SUPT20H: variants seen among roughly 807,000 people sequenced by gnomAD.
SUPT20H encodes the protein SPT20 homolog, SAGA complex component.
SUPT20H carries 82 observed loss-of-function variants against 122.8 expected under a neutral mutation model. That is an observed-to-expected ratio of 0.67 (90% CI 0.56 to 0.80). The LOEUF is 0.80. SUPT20H is among the 30% of genes least tolerant of loss of function. The pLI is 0.00. For synonymous variants in SUPT20H, 291 were observed against 313.0 expected (o/e 0.93, Z 0.74); for missense variants, 831 against 921.6 (o/e 0.90, Z 1.27).
chr13:37,027,226 C>T (rs571263675), intron 14 of SUPT20H, among the ~76,000 whole-genome samples: 1 of 151,584 alleles, frequency 6.6e-6, no homozygotes, highest in Non-Finnish European at 1.5e-5. Context: ...CACACATACC[C>T]CTATATCTAA....
At chr13:37,009,834 G>C in intron 25 of SUPT20H, 25 bp from the exon 26 acceptor site, 1 of 1,601,926 alleles carries the variant, frequency 6.2e-7, no homozygotes, top group Non-Finnish European at 8.5e-7. Context: ...GAAAAAAATC[G>C]AGTTATGTTA....
intron 6 of SUPT20H, 70 bp downstream of exon 6, chr13:37,045,177 T>G: frequency 6.3e-7 from 1 of 1,592,484 alleles, no homozygotes; most frequent in Non-Finnish European, 8.5e-7. Flanking sequence ...GTTAAAAAAC[T>G]ACTTTAAAAA....
At chr13:37,050,251 T>G (rs1257280168) in intron 2 of SUPT20H, among the ~76,000 whole-genome samples, 1 of 146,210 alleles carries the variant, frequency 6.8e-6, no homozygotes, top group African/African-American at 2.5e-5. Context: ...CCAGGCACTG[T>G]GGCACATGCC....
Position 37,024,134 on chromosome 13 carries a change from AAGGAGG to A in SUPT20H, c.1486_1491del (p.Pro496_Pro497del). On this transcript the variant is annotated inframe_deletion, in exon 19 of 26. Transcript: ENST00000350612. ...CGAGGAATACTTGATGGCTTAGAAG[AAGGAGG>A]AGGAGTTGGAGATTTGAGAAAGCTG... 1 of 1,613,800 alleles carries A rather than the reference AAGGAGG, an allele frequency of 6.2e-7. No homozygotes were observed. The highest frequency in any genetic ancestry group is 1.1e-5 in the South Asian group (1 of 91,048).
At chr13:37,039,989 C>G (rs930160475) in intron 9 of SUPT20H, 2 of 153,704 alleles carry the variant, frequency 1.3e-5, no homozygotes, top group Non-Finnish European at 2.9e-5. Flanking sequence ...TGGTTATTCT[C>G]AGGGGTAAGA....
Position 37,009,321 on chromosome 13 carries a change from CAGATTTGTAAAAAT to C in SUPT20H, c.*337_*350del. The C allele has an allele frequency of 7.3e-7, 1 of 1,363,052 alleles. No individual in the cohort carries two copies. 84.4% of individuals were successfully genotyped at this position (1,363,052 alleles called of 1,614,324 possible). On this transcript the variant is annotated 3_prime_UTR_variant, in exon 26 of 26. Coordinates refer to ENST00000350612, the MANE Select transcript of SUPT20H (RefSeq NM_001014286.3). Reference sequence around the variant, plus strand: ...ATAAACAGCCACCACATTTTCAAAACAGATTTGTAAAAATTGTATTTGTTAACACTGTGCACAAA... The same window carrying C: ...ATAAACAGCCACCACATTTTCAAAACTGTATTTGTTAACACTGTGCACAAA...
chr13:37,033,577 A>G lies in SUPT20H; in HGVS notation c.579T>C (p.Leu193=). 1 of 1,613,114 alleles carries G rather than the reference A, an allele frequency of 6.2e-7. No homozygotes were observed. The highest frequency in any genetic ancestry group is 8.5e-7 in the Non-Finnish European group (1 of 1,179,564). Residue 193 remains leucine, a synonymous_variant, in exon 10 of 26, where the codon CTT becomes CTC. Transcript: ENST00000350612. The part of the protein sequence containing the change: ...DNHKWTQEDK[L]LLESQLILAT... ...CTAGGATGAGCTGGCTCTCAAGCAA[A>G]AGTTTGTCTTCCTGAAATGTGTAAG...
At chr13:37,046,199 C>T (rs2066393052) in intron 5 of SUPT20H, among the ~76,000 whole-genome samples, 1 of 151,994 alleles carries the variant, frequency 6.6e-6, no homozygotes, top group Non-Finnish European at 1.5e-5. Flanking sequence ...AGAATCAAAA[C>T]ACTAAGCAAT....
At chr13:37,042,218 T>A (rs2138700388) in intron 7 of SUPT20H, among the ~76,000 whole-genome samples, 1 of 152,310 alleles carries the variant, frequency 6.6e-6, no homozygotes, top group African/African-American at 2.4e-5. Flanking sequence ...GAGTCATCTG[T>A]TAGACTGAAG....
intron 9 of SUPT20H, among the ~76,000 whole-genome samples, chr13:37,035,042 G>C (rs1294392222): frequency 6.6e-6 from 1 of 152,200 alleles, no homozygotes; most frequent in East Asian, 1.9e-4. Context: ...CAATGGCCTT[G>C]TCACCCAAGA....
rs752387072 is a variant in SUPT20H, at chr13:37,047,611, T to A, written c.99-10A>T. On this transcript the variant is annotated splice_polypyrimidine_tract_variant and intron_variant, in intron 4 of 25. Coordinates refer to ENST00000350612, the MANE Select transcript of SUPT20H (RefSeq NM_001014286.3). ...TTGAAATACAGATTTTCTAAAAAAA[T>A]TTAATGAAACAAATATATAAAATGT... 3 of 1,374,694 alleles carry A rather than the reference T, an allele frequency of 2.2e-6. No individual in the cohort carries two copies. Among genetic ancestry groups the A allele is most frequent in the Admixed American group, 5.9e-5 (2 of 34,108 alleles). The allele number at this position is 1,374,694 out of a possible 1,614,324, so 85.2% of individuals were successfully genotyped here.
At chr13:37,047,668 T>C (rs2066753471) in intron 4 of SUPT20H, 67 bp from the exon 5 acceptor site, 36 of 1,288,676 alleles carry the variant, frequency 2.8e-5, no homozygotes, top group Non-Finnish European at 3.6e-5. Context: ...ATGAATGTTA[T>C]TTAATTTTTT....
intron 1 of SUPT20H, among the ~76,000 whole-genome samples, chr13:37,052,917 A>T (rs1223238247): frequency 6.6e-6 from 1 of 152,232 alleles, no homozygotes. Flanking sequence ...CAACATATGA[A>T]AAAAAGCTCA....
Position 37,040,427 on chromosome 13 carries a change from C to G in SUPT20H, c.545G>C (p.Ser182Thr). 6.3e-7 allele frequency: 1 copy of G among 1,577,926 alleles called. No homozygotes were observed. Among genetic ancestry groups the G allele is most frequent in the Non-Finnish European group, 8.6e-7 (1 of 1,169,408 alleles). Residue 182 changes from serine (S) to threonine (T), a missense_variant, in exon 9 of 26, where the codon AGT (serine) becomes ACT (threonine). By Grantham distance (58) the Ser-to-Thr change is moderately conservative. Transcript: ENST00000350612. ...TLICDVHSIT[S>T]DNHKWTQEDK... ...AACCTGGGTCCATTTGTGGTTATCA[C>G]TTGTTATTGAATGTACATCACAAAT...
chr13:37,015,915 C>G (rs2060389869), intron 23 of SUPT20H, among the ~76,000 whole-genome samples: 1 of 152,012 alleles, frequency 6.6e-6, no homozygotes, highest in Admixed American at 6.6e-5. Context: ...TGACATAAGT[C>G]AAACACAAAA....
chr13:37,036,844 TTTTC>T (rs2064531252), intron 9 of SUPT20H, among the ~76,000 whole-genome samples: 1 of 152,164 alleles, frequency 6.6e-6, no homozygotes, highest in Non-Finnish European at 1.5e-5. Flanking sequence ...TAATGTTTTC[TTTTC>T]TTTCTAACAG....
chr13:37,031,889 G>T lies in SUPT20H; in HGVS notation c.714C>A (p.Phe238Leu), dbSNP rs947148682. Residue 238 changes from phenylalanine (F) to leucine (L), a missense_variant, in exon 11 of 26, where the codon TTC (phenylalanine) becomes TTA (leucine). Physicochemically the swap from Phe to Leu is conservative, Grantham distance 22 (BLOSUM62 0). Transcript: ENST00000350612. ...KMNTRPMKRC[F>L]KRYSRSSLNR... ...TCAGAGAGGATCTGGAATACCTCTT[G>T]AAACACCTGAAATATTAAGAAATTT... 33 of 1,575,770 alleles carry T rather than the reference G, an allele frequency of 2.1e-5. No individual in the cohort carries two copies. The highest frequency in any genetic ancestry group is 2.7e-5 in the Non-Finnish European group (32 of 1,168,972).
chr13:37,051,143 G>C (rs1442280580), intron 2 of SUPT20H, among the ~76,000 whole-genome samples: 1 of 152,122 alleles, frequency 6.6e-6, no homozygotes, highest in African/African-American at 2.4e-5. Context: ...CTAAAGAAAA[G>C]CTTTAAAATA....
intron 17 of SUPT20H, 200 bp from the exon 18 acceptor site, chr13:37,024,642 T>C (rs2061910249): frequency 5.6e-6 from 2 of 354,288 alleles, no homozygotes; most frequent in East Asian, 4.5e-5. Context: ...ATGAGATTCA[T>C]GAAATATATT....
Sources: allele counts gnomAD v4.1 joint callset (sites outside exome capture counted in the v4.1 genomes callset), GRCh38; gene constraint gnomAD v4.1.1; transcripts MANE v1.5; gene names NCBI Gene and HGNC (gene_info 2026-07-23, HGNC 2026-07-21).